Variants in PDE4D observed in about 807,000 individuals in gnomAD.
The protein encoded by PDE4D is phosphodiesterase 4D, also known as 3',5'-cyclic-AMP phosphodiesterase 4D.
PDE4D carries 24 observed loss-of-function variants against 87.4 expected under a neutral mutation model. The ratio of observed to expected loss-of-function variants is 0.27; its 90% CI spans 0.20 to 0.39. The LOEUF (loss-of-function observed/expected upper bound fraction) is 0.39. Among genes scored for constraint, PDE4D ranks in the 10% least tolerant of loss-of-function variants. PDE4D has a pLI of 1.00. For missense variants in PDE4D, 714 were observed against 1,041.0 expected (o/e 0.69, Z 4.32); for synonymous variants, 384 against 383.2 (o/e 1.00, Z -0.02).
At chr5:60,518,880 A>C (rs1394754902) in intron 1 of PDE4D, among the ~76,000 whole-genome samples, 3 of 152,198 alleles carry the variant, frequency 2.0e-5, no homozygotes, top group Non-Finnish European at 1.5e-5. Context: ...AATACAGCAA[A>C]ATGGCTGGTA....
At chr5:59,622,266 A>G (rs1830429993) in intron 1 of PDE4D, among the ~76,000 whole-genome samples, 1 of 152,222 alleles carries the variant, frequency 6.6e-6, no homozygotes, top group African/African-American at 2.4e-5. Context: ...AGAGGAAAAT[A>G]TAATTCCAGG....
chr5:59,921,128 A>AATT (rs1272518086), intron 3 of PDE4D, among the ~76,000 whole-genome samples: 1 of 152,204 alleles, frequency 6.6e-6, no homozygotes, highest in East Asian at 1.9e-4. Context: ...TTAACTACTT[A>AATT]ATTACCTGTC....
At chr5:59,480,218 T>C (rs1197883930) in intron 1 of PDE4D, among the ~76,000 whole-genome samples, 1 of 152,010 alleles carries the variant, frequency 6.6e-6, no homozygotes, top group Non-Finnish European at 1.5e-5. Context: ...ATTCAAACTG[T>C]TCAGTAATAG....
intron 3 of PDE4D, among the ~76,000 whole-genome samples, chr5:59,190,321 A>AT (rs1157860723): frequency 6.6e-6 from 1 of 152,022 alleles, no homozygotes. Flanking sequence ...ATTTTAGAAA[A>AT]TTTTCCTTTT....
At chr5:59,792,677 T>C (rs1765948222) in intron 1 of PDE4D, among the ~76,000 whole-genome samples, 1 of 152,162 alleles carries the variant, frequency 6.6e-6, no homozygotes, top group Non-Finnish European at 1.5e-5. Flanking sequence ...ATAAGGCCTC[T>C]TTGGAAATCT....
chr5:59,267,774 A>T (rs1009167598), intron 1 of PDE4D, among the ~76,000 whole-genome samples: 1 of 152,090 alleles, frequency 6.6e-6, no homozygotes. Flanking sequence ...GCTTCCTATA[A>T]GGGTACTTTG....
chr5:59,405,993 G>A (rs6893655), intron 1 of PDE4D, among the ~76,000 whole-genome samples: 2 of 152,070 alleles, frequency 1.3e-5, no homozygotes, highest in Non-Finnish European at 2.9e-5. Flanking sequence ...GTAGTTTTCT[G>A]TTTGCAATGT....
intron 2 of PDE4D, among the ~76,000 whole-genome samples, chr5:60,079,766 T>A (rs1172478181): frequency 6.6e-6 from 1 of 152,232 alleles, no homozygotes; most frequent in East Asian, 1.9e-4. Context: ...CCATGCTGTT[T>A]TGGTTACTGT....
At chr5:59,701,239 A>G (rs1752508197) in intron 1 of PDE4D, among the ~76,000 whole-genome samples, 1 of 151,804 alleles carries the variant, frequency 6.6e-6, no homozygotes, top group African/African-American at 2.4e-5. Flanking sequence ...CACACTTTTC[A>G]CCCCAGAAAA....
At chr5:59,883,284 T>C (rs1428821987) in intron 1 of PDE4D, among the ~76,000 whole-genome samples, 1 of 152,152 alleles carries the variant, frequency 6.6e-6, no homozygotes, top group Non-Finnish European at 1.5e-5. Flanking sequence ...AGAGAACACA[T>C]ACAGCATCCA....
chr5:59,533,075 G>T (rs1268525637), intron 1 of PDE4D, among the ~76,000 whole-genome samples: 1 of 152,116 alleles, frequency 6.6e-6, no homozygotes, highest in Non-Finnish European at 1.5e-5. Context: ...CCTTAAGGTA[G>T]GACTAGAACA....
At chr5:59,014,236 C>G (rs1753483922) in intron 6 of PDE4D, among the ~76,000 whole-genome samples, 1 of 152,094 alleles carries the variant, frequency 6.6e-6, no homozygotes, top group Non-Finnish European at 1.5e-5. Context: ...AACACTGGCA[C>G]AAGACAGGGA....
At chr5:60,069,179 AC>A (rs1772445262) in intron 2 of PDE4D, among the ~76,000 whole-genome samples, 1 of 152,186 alleles carries the variant, frequency 6.6e-6, no homozygotes, top group African/African-American at 2.4e-5. Context: ...TGTTGGTGTC[AC>A]CCAAAATCCA....
At chr5:60,042,022 AC>A (rs987632472) in intron 2 of PDE4D, among the ~76,000 whole-genome samples, 6 of 151,764 alleles carry the variant, frequency 4.0e-5, no homozygotes, top group Non-Finnish European at 5.9e-5. Flanking sequence ...AGCGGATCCC[AC>A]CCCTGTGGAG....
intron 1 of PDE4D, among the ~76,000 whole-genome samples, chr5:59,225,801 C>A (rs1439489407): frequency 6.9e-6 from 1 of 144,626 alleles, no homozygotes; most frequent in Non-Finnish European, 1.5e-5. Context: ...AATAGCAAAA[C>A]CCCCCCAAAA....
chr5:60,112,728 T>G (rs914258113), intron 2 of PDE4D, among the ~76,000 whole-genome samples: 1 of 152,114 alleles, frequency 6.6e-6, no homozygotes. Context: ...CATAACACCC[T>G]CTGCCGACTA....
At position 60,514,365 on chromosome 5, in the gene PDE4D, C is replaced by T. The variant is rs113664891; in HGVS notation, n.70+7686G>A. ...TATTATGAAGTCAGCATATCCTTTA[C>T]ACCAAAACCCAACAAAGTTATTAAA... On this transcript the variant is annotated intron_variant and non_coding_transcript_variant, in intron 1 of 2. Coordinates refer to the PDE4D transcript ENST00000506510. Among the ~76,000 whole-genome samples the T allele has an allele frequency of 7.0e-4, 107 of 152,106 alleles. 3 individuals carry two copies. The highest frequency in any genetic ancestry group is 2.5e-3 in the African/African-American group (105 of 41,554).
At chr5:59,532,223 C>T (rs1300588431) in intron 1 of PDE4D, among the ~76,000 whole-genome samples, 2 of 152,126 alleles carry the variant, frequency 1.3e-5, no homozygotes, top group Admixed American at 6.5e-5. Flanking sequence ...TAACCTCTGC[C>T]TCCTGGGTTC....
At chr5:59,518,500 A>G (rs1811588070) in intron 1 of PDE4D, among the ~76,000 whole-genome samples, 5 of 152,162 alleles carry the variant, frequency 3.3e-5, no homozygotes, top group Admixed American at 2.6e-4. Context: ...ACTCACATCA[A>G]GGATCTTATA....
Sources: allele counts gnomAD v4.1 joint callset (sites outside exome capture counted in the v4.1 genomes callset), GRCh38; gene constraint gnomAD v4.1.1; transcripts MANE v1.5; gene names NCBI Gene and HGNC (gene_info 2026-07-23, HGNC 2026-07-21).